Variants in PARD3B observed in about 807,000 individuals in gnomAD.
The protein encoded by PARD3B is par-3 family cell polarity regulator beta, also known as partitioning defective 3 homolog B.
PARD3B carries 103 observed loss-of-function variants against 130.2 expected under a neutral mutation model. The ratio of observed to expected loss-of-function variants is 0.79; its 90% confidence interval spans 0.67 to 0.93. PARD3B has a LOEUF of 0.93. PARD3B is among the 40% of genes least tolerant of loss of function. The pLI, the probability that PARD3B is intolerant of heterozygous loss-of-function variation, is 0.00. For missense variants in PARD3B, 1,609 were observed against 1,499.2 expected, an observed-to-expected ratio of 1.07 and a Z score of -1.21; for synonymous variants, 583 against 553.2, an observed-to-expected ratio of 1.05 and a Z score of -0.76.
intron 1 of PARD3B, among the ~76,000 whole-genome samples, chr2:204,621,785 CATT>C (rs1381052085): frequency 2.0e-5 from 3 of 152,046 alleles, no homozygotes; most frequent in Non-Finnish European, 4.4e-5. Context: ...CTAAATTAGC[CATT>C]ATTTAATTTA....
chr2:205,400,566 C>T (rs1043546405), intron 18 of PARD3B, among the ~76,000 whole-genome samples: 1 of 151,718 alleles, frequency 6.6e-6, no homozygotes, highest in African/African-American at 2.4e-5. Flanking sequence ...GCTTGAACCC[C>T]GGGTAGCAGA....
intron 5 of PARD3B, 67 bp from the exon 6 acceptor site, chr2:205,113,419 TGTGTA>T: frequency 1.1e-6 from 1 of 898,254 alleles, no homozygotes; most frequent in Non-Finnish European, 1.8e-6. Flanking sequence ...TGTGTGTGTG[TGTGTA>T]TTTTAGATGT....
Position 204,673,899 on chromosome 2 carries a change from T to C in PARD3B, c.121-12282T>C, listed in dbSNP as rs1187766339. On this transcript the variant is annotated intron_variant, in intron 1 of 22. Transcript: ENST00000406610. This position sits in a 1 kb window ranked among gnomAD's most constrained non-coding sequence, Gnocchi z 4.7. ...ACACATGTTGCAGAAAGGACTGCCA[T>C]TGACCTGCAGTCTACAGTGTTTCTG... Among the ~76,000 whole-genome samples the C allele has an allele frequency of 1.3e-5, 2 of 152,226 alleles. No homozygotes were observed. The highest frequency in any genetic ancestry group is 2.9e-5 in the Non-Finnish European group (2 of 68,046).
intron 19 of PARD3B, among the ~76,000 whole-genome samples, chr2:205,401,797 A>G (rs970705764): frequency 1.3e-5 from 2 of 152,176 alleles, no homozygotes; most frequent in Non-Finnish European, 2.9e-5. Flanking sequence ...ATGTAATTGA[A>G]TGTTCATATT....
At chr2:204,964,949 A>G (rs1470642990) in intron 2 of PARD3B, among the ~76,000 whole-genome samples, 2 of 152,144 alleles carry the variant, frequency 1.3e-5, no homozygotes, top group Admixed American at 6.6e-5. Context: ...AAATGAATAA[A>G]CCAGTATTTA....
chr2:205,564,419 C>A lies in PARD3B; in HGVS notation c.3260+11016C>A, dbSNP rs1285238626. ...AATTCAAACACCCACTTCCTTCCAG[C>A]CAAAATATTTTAAATGGTGCTTTTT... On this transcript the variant is annotated intron_variant, in intron 22 of 22. Coordinates refer to ENST00000406610, the MANE Select transcript of PARD3B (RefSeq NM_001302769.2). This position sits in a 1 kb window ranked among gnomAD's most constrained non-coding sequence, Gnocchi z 4.6. Among the ~76,000 whole-genome samples, 4 of 152,198 alleles carry A rather than the reference C, an allele frequency of 2.6e-5. No individual in the cohort carries two copies. The highest frequency in any genetic ancestry group is 9.6e-5 in the African/African-American group (4 of 41,452).
chr2:205,326,536 T>C (rs1451171383), intron 18 of PARD3B, among the ~76,000 whole-genome samples: 2 of 152,138 alleles, frequency 1.3e-5, no homozygotes, highest in Non-Finnish European at 2.9e-5. Flanking sequence ...GAAGGAGTTA[T>C]TCAACAGTTA....
At chr2:204,609,965 GAT>G (rs934281024) in intron 1 of PARD3B, among the ~76,000 whole-genome samples, 2 of 152,118 alleles carry the variant, frequency 1.3e-5, no homozygotes, top group Admixed American at 1.3e-4. Flanking sequence ...GTTGAAGTAA[GAT>G]ATTTTGATTT....
intron 1 of PARD3B, among the ~76,000 whole-genome samples, chr2:204,642,262 G>A (rs1423602739): frequency 2.6e-5 from 4 of 152,182 alleles, no homozygotes; most frequent in African/African-American, 9.7e-5. Context: ...ACAGACTGAA[G>A]CCATTGGGCC....
At chr2:205,223,007 T>G (rs2038324936) in intron 15 of PARD3B, among the ~76,000 whole-genome samples, 1 of 152,164 alleles carries the variant, frequency 6.6e-6, no homozygotes, top group South Asian at 2.1e-4. Context: ...TGGTACGTAT[T>G]CTTGGAGGAA....
intron 1 of PARD3B, among the ~76,000 whole-genome samples, chr2:204,651,496 C>T (rs570045934): frequency 2.0e-5 from 3 of 152,376 alleles, no homozygotes; most frequent in South Asian, 2.1e-4. Context: ...CCTTGGGCAG[C>T]TCTGCCCCTG....
At chr2:205,357,302 G>A (rs765892646) in intron 18 of PARD3B, among the ~76,000 whole-genome samples, 4 of 152,194 alleles carry the variant, frequency 2.6e-5, no homozygotes, top group Non-Finnish European at 4.4e-5. Context: ...TTGAGGACAT[G>A]ACTAGGTCTT....
chr2:205,583,400 T>TGTGTTTGTGTGTGTGTGTGTGTGTGC (rs1192785640), intron 22 of PARD3B, among the ~76,000 whole-genome samples: 1 of 133,890 alleles, frequency 7.5e-6, no homozygotes, highest in African/African-American at 3.0e-5. Flanking sequence ...TGTGTGTGTG[T>TGTGTTTGTGTGTGTGTGTGTGTGTGC]GCGCGCGCAC....
intron 1 of PARD3B, among the ~76,000 whole-genome samples, chr2:204,635,726 C>T (rs905175381): frequency 6.6e-6 from 1 of 152,130 alleles, no homozygotes; most frequent in African/African-American, 2.4e-5. Context: ...ACTAATGAGT[C>T]ACTTATTTCC....
chr2:205,146,473 C>A lies in PARD3B; in HGVS notation c.1435-12249C>A, dbSNP rs2033366913. Among the ~76,000 whole-genome samples, 2 of 151,856 alleles carry A rather than the reference C, an allele frequency of 1.3e-5. No homozygotes were observed. The highest frequency in any genetic ancestry group is 4.8e-5 in the African/African-American group (2 of 41,370). ...GACCATCCTGGCTAACACGGCAAAA[C>A]CCCGTCTCTACTAAAAATACAAAAA... On this transcript the variant is annotated intron_variant, in intron 10 of 22. Coordinates refer to ENST00000406610, the MANE Select transcript of PARD3B (RefSeq NM_001302769.2). The surrounding 1 kb of genome is among the most constrained non-coding windows in gnomAD (Gnocchi z 4.3).
intron 1 of PARD3B, among the ~76,000 whole-genome samples, chr2:204,640,812 C>A (rs2035050109): frequency 1.3e-5 from 2 of 151,666 alleles, no homozygotes. Flanking sequence ...AAGCATGAGG[C>A]ACTGTTCTTG....
intron 1 of PARD3B, among the ~76,000 whole-genome samples, chr2:204,630,898 C>A (rs1356529212): frequency 1.3e-5 from 2 of 151,618 alleles, no homozygotes; most frequent in Non-Finnish European, 2.9e-5. Context: ...TTAATTTTTT[C>A]AAAAAACCAG....
rs996266846 is a variant in PARD3B, at chr2:205,530,026, CAAAG to C, written c.3181-23293_3181-23290del. ...CAACTGCCACCTTGGTATAGGCAGG[CAAAG>C]AAAGGTGCCACCCAACAATGCTGTG... On this transcript the variant is annotated intron_variant, in intron 21 of 22. Transcript: ENST00000406610. This position sits in a 1 kb window ranked among gnomAD's most constrained non-coding sequence, Gnocchi z 4.7. Among the ~76,000 whole-genome samples, 1 of 152,022 alleles carries C rather than the reference CAAAG, an allele frequency of 6.6e-6. No individual in the cohort carries two copies. The highest frequency in any genetic ancestry group is 1.5e-5 in the Non-Finnish European group (1 of 68,014).
rs1330855302 is a variant in PARD3B at position 205,343,851 on chromosome 2, G to GACCCT, written c.2630+42153_2630+42157dup. On this transcript the variant is annotated intron_variant, in intron 18 of 22. Transcript: ENST00000406610. ...TCCTCCACCCTCACCCCCTATGCCT[G>GACCCT]ACCCTACTCCTCACACCTGCTTTGG... Among the ~76,000 whole-genome samples, 8 of 151,116 alleles carry GACCCT rather than the reference G, an allele frequency of 5.3e-5. No homozygotes were observed. In the East Asian group the frequency reaches 1.6e-3, roughly 29 times the overall value.
Sources: gnomAD v4.1 joint callset for allele counts (sites outside exome capture counted in the v4.1 genomes callset) on GRCh38, gnomAD v4.1.1 for gene constraint, Gnocchi (gnomAD v3.1) non-coding constraint, MANE v1.5 for transcripts, NCBI Gene and HGNC (gene_info 2026-07-23, HGNC 2026-07-21) for gene names.